PDE11A: variants seen among roughly 807,000 people sequenced by gnomAD.
PDE11A encodes the protein dual 3',5'-cyclic-AMP and -GMP phosphodiesterase 11A.
Under a neutral mutation model 100.5 loss-of-function variants are expected in PDE11A, and 100 were observed. That is an observed-to-expected ratio of 1.00 (90% CI 0.85 to 1.18). The LOEUF is 1.18. Ranked by LOEUF, PDE11A falls within the 50% of genes most tolerant of loss-of-function variation. PDE11A has a pLI of 0.00. For missense variants in PDE11A, 1,141 were observed against 1,152.6 expected, an observed-to-expected ratio of 0.99 and a Z score of 0.15; for synonymous variants, 381 against 420.8, an observed-to-expected ratio of 0.91 and a Z score of 1.16.
chr2:177,926,579 C>G (rs2105759415), intron 2 of PDE11A, among the ~76,000 whole-genome samples: 2 of 152,110 alleles, frequency 1.3e-5, no homozygotes, highest in East Asian at 3.9e-4. Flanking sequence ...ATAAGAGATA[C>G]AGCAAGTTTC....
chr2:177,819,968 T>C (rs139153886), intron 7 of PDE11A, among the ~76,000 whole-genome samples: 392 of 151,528 alleles, frequency 2.6e-3, no homozygotes, highest in African/African-American at 8.8e-3. Context: ...AAGAGTTCTA[T>C]TGGTTGATAA....
rs181760144 is a variant in PDE11A, at chr2:178,085,857, C to T, written c.162+18445G>A. 3.3e-5 allele frequency among the ~76,000 whole-genome samples: 5 copies of T among 152,278 alleles called. No homozygotes were observed. In the East Asian group the frequency reaches 9.6e-4, roughly 29 times the overall value. ...ATGGCTCAGTAAAAAGAATGTGACT[C>T]TATGAAAGCCTGACAAGCACAAAGT... On this transcript the variant is annotated intron_variant, in intron 2 of 20. Transcript: ENST00000358450.
chr2:177,632,957 G>GAATTCTA (rs1183599735), intron 19 of PDE11A, among the ~76,000 whole-genome samples: 1 of 152,166 alleles, frequency 6.6e-6, no homozygotes, highest in Admixed American at 6.5e-5. Flanking sequence ...AGGCTCCCCA[G>GAATTCTA]AATTCTGACA....
chr2:177,794,652 T>C (rs946924706), intron 9 of PDE11A, among the ~76,000 whole-genome samples: 3 of 152,184 alleles, frequency 2.0e-5, no homozygotes, highest in South Asian at 2.1e-4. Flanking sequence ...ATCTTTTTCT[T>C]TGGATGAATC....
intron 15 of PDE11A, among the ~76,000 whole-genome samples, chr2:177,696,465 TATCTC>T (rs2081113663): frequency 6.6e-6 from 1 of 152,266 alleles, no homozygotes; most frequent in African/African-American, 2.4e-5. Flanking sequence ...AACCTTCAGA[TATCTC>T]AGAGAAGATG....
intron 13 of PDE11A, among the ~76,000 whole-genome samples, chr2:177,703,959 G>C (rs16865684): frequency 6.6e-6 from 1 of 152,094 alleles, no homozygotes; most frequent in Non-Finnish European, 1.5e-5. Flanking sequence ...CATCTTCCTC[G>C]TCAGATTCCC....
At chr2:177,711,043 T>C (rs2081352777) in intron 13 of PDE11A, among the ~76,000 whole-genome samples, 1 of 152,216 alleles carries the variant, frequency 6.6e-6, no homozygotes, top group Non-Finnish European at 1.5e-5. Flanking sequence ...ACTCTCAATA[T>C]ACAAGTCAGG....
chr2:177,846,007 G>A (rs922624393), intron 5 of PDE11A, among the ~76,000 whole-genome samples: 7 of 151,392 alleles, frequency 4.6e-5, no homozygotes, highest in Non-Finnish European at 8.8e-5. Context: ...GAGGGAGACC[G>A]TGGAAAGAGA....
rs2105423476 is a variant in PDE11A at position 177,626,387 on chromosome 2, A to C, written c.*3020T>G. 6.5e-6 allele frequency: 1 copy of C among 152,740 alleles called. No homozygotes were observed. The highest frequency in any genetic ancestry group is 2.4e-5 in the African/African-American group (1 of 41,562). 9.5% of individuals were successfully genotyped at this position (152,740 alleles called of 1,614,324 possible). A position where few individuals can be genotyped will look rare whatever the true frequency, so the allele number is the denominator to read the frequency against. ...TGGGGAGGATAACAGATGTGGGCTC[A>C]TCTCTGCCTCACACAGACTGATTTT... On this transcript the variant is annotated 3_prime_UTR_variant, in exon 20 of 20. Coordinates refer to ENST00000286063, the MANE Select transcript of PDE11A (RefSeq NM_016953.4).
intron 2 of PDE11A, among the ~76,000 whole-genome samples, chr2:178,001,275 A>AGTGTGTGTGTGTGTGTGTGTGTGTGT (rs57136586): frequency 7.1e-6 from 1 of 140,656 alleles, no homozygotes; most frequent in African/African-American, 2.6e-5. Context: ...ACAATGTGAA[A>AGTGTGTGTGTGTGTGTGTGTGTGTGT]GTGTGTGTGT....
At chr2:177,946,773 TGGGA>T (rs2085441558) in intron 2 of PDE11A, among the ~76,000 whole-genome samples, 1 of 19,204 alleles carries the variant, frequency 5.2e-5, no homozygotes, top group African/African-American at 2.2e-4. Context: ...CCGCCCCGTC[TGGGA>T]GGGAGGTGGG....
intron 19 of PDE11A, among the ~76,000 whole-genome samples, chr2:177,639,814 C>A (rs2080112339): frequency 6.6e-6 from 1 of 152,100 alleles, no homozygotes; most frequent in Non-Finnish European, 1.5e-5. Flanking sequence ...AAGGGAGGAG[C>A]AGAGAGAAGT....
intron 9 of PDE11A, among the ~76,000 whole-genome samples, chr2:177,804,605 A>G (rs2082841935): frequency 6.6e-6 from 1 of 152,024 alleles, no homozygotes; most frequent in Non-Finnish European, 1.5e-5. Context: ...TCATTATATA[A>G]TAAAGATACC....
chr2:177,821,371 A>G (rs543803700), intron 6 of PDE11A, among the ~76,000 whole-genome samples: 46 of 151,886 alleles, frequency 3.0e-4, no homozygotes, highest in African/African-American at 1.1e-3. Context: ...GAACAGATCT[A>G]TGCAACTACC....
intron 1 of PDE11A, among the ~76,000 whole-genome samples, chr2:178,032,673 C>T (rs1218444647): frequency 3.9e-5 from 6 of 152,148 alleles, no homozygotes; most frequent in Non-Finnish European, 8.8e-5. Flanking sequence ...AGGCCAGGGC[C>T]TCCCTAGAAT....
At chr2:177,945,101 G>C (rs962960623) in intron 2 of PDE11A, among the ~76,000 whole-genome samples, 6 of 150,844 alleles carry the variant, frequency 4.0e-5, no homozygotes, top group Admixed American at 1.3e-4. Context: ...GGATTGCAGA[G>C]GGAGTCTCGT....
At chr2:177,676,405 A>T (rs931918323) in intron 16 of PDE11A, among the ~76,000 whole-genome samples, 3 of 152,358 alleles carry the variant, frequency 2.0e-5, no homozygotes, top group African/African-American at 7.2e-5. Flanking sequence ...TTTTGGAAGA[A>T]AGGGGTATGC....
At position 177,773,028 on chromosome 2, in the gene PDE11A, C is replaced by A. The variant is rs891439695; in HGVS notation, c.1738-3655G>T. On this transcript the variant is annotated intron_variant, in intron 9 of 19. Coordinates refer to ENST00000286063, the MANE Select transcript of PDE11A (RefSeq NM_016953.4). ...ATTGCTATCGTTTCACATATTATTT[C>A]TTTCTTTTTTTTTGAAGAGTCTCAC... is the stretch of plus-strand genomic sequence containing the variant. Among the ~76,000 whole-genome samples, 8 of 151,934 alleles carry A rather than the reference C, an allele frequency of 5.3e-5. No homozygotes were observed. The South Asian group carries it at 1.5e-3, about 28-fold the overall frequency.
At chr2:177,995,477 T>TA (rs1480714216) in intron 2 of PDE11A, among the ~76,000 whole-genome samples, 6 of 152,152 alleles carry the variant, frequency 3.9e-5, no homozygotes, top group African/African-American at 7.2e-5. Flanking sequence ...AAACTATTCC[T>TA]AAAAAAATAC....
Sources: allele counts gnomAD v4.1 joint callset (sites outside exome capture counted in the v4.1 genomes callset), GRCh38; gene constraint gnomAD v4.1.1; transcripts MANE v1.5; gene names NCBI Gene and HGNC (gene_info 2026-07-23, HGNC 2026-07-21).